The following LRMDA variants were observed in gnomAD, a reference collection of about 807,000 sequenced individuals.
LRMDA encodes the protein leucine rich melanocyte differentiation associated.
Under a neutral mutation model 29.8 loss-of-function variants are expected in LRMDA, and 18 were observed. That is an observed-to-expected ratio of 0.60 (90% CI 0.42 to 0.90). LRMDA has a LOEUF of 0.90. Ranked by LOEUF, LRMDA falls within the 40% of genes least tolerant of loss-of-function variation. The pLI, the probability that LRMDA is intolerant of heterozygous loss-of-function variation, is 0.00. For missense variants in LRMDA, 273 were observed against 273.9 expected (o/e 1.00, Z 0.02); for synonymous variants, 125 against 109.4 (o/e 1.14, Z -0.89).
intron 6 of LRMDA, among the ~76,000 whole-genome samples, chr10:76,518,988 A>G: frequency 6.6e-6 from 1 of 152,284 alleles, no homozygotes; most frequent in South Asian, 2.1e-4. Context: ...TAATTTAGAA[A>G]TTTATACTAA....
chr10:76,111,189 A>G (rs930794029), intron 5 of LRMDA, among the ~76,000 whole-genome samples: 2 of 152,176 alleles, frequency 1.3e-5, no homozygotes, highest in Non-Finnish European at 2.9e-5. Context: ...TGGATCCTCA[A>G]AGCAGCCTGT....
rs1843438752 is a variant in LRMDA, at chr10:75,784,515, C to T, written c.132-251493C>T. Among the ~76,000 whole-genome samples, 3 of 151,758 alleles carry T rather than the reference C, an allele frequency of 2.0e-5. No individual in the cohort carries two copies. In the South Asian group the frequency reaches 6.2e-4, roughly 32 times the overall value. On this transcript the variant is annotated intron_variant, in intron 2 of 6. Transcript: ENST00000611255. ...GAGATTGAGATCATCCTGGCTAACA[C>T]GGTGAAACCCTGTCTCTACTAAAAA... is the stretch of plus-strand genomic sequence containing the variant.
chr10:76,017,181 G>T (rs537064800), intron 2 of LRMDA, among the ~76,000 whole-genome samples: 1 of 152,222 alleles, frequency 6.6e-6, no homozygotes, highest in Non-Finnish European at 1.5e-5. Flanking sequence ...GGCGGACGCC[G>T]CATGAAGGCC....
chr10:76,298,434 T>C (rs1564715492), intron 5 of LRMDA, among the ~76,000 whole-genome samples: 1 of 152,218 alleles, frequency 6.6e-6, no homozygotes, highest in African/African-American at 2.4e-5. Flanking sequence ...GTCCTTTACT[T>C]ACTCATTAAC....
chr10:75,639,947 C>G (rs544400998), intron 2 of LRMDA, among the ~76,000 whole-genome samples: 1 of 152,294 alleles, frequency 6.6e-6, no homozygotes, highest in South Asian at 2.1e-4. Context: ...CCTTCATCAC[C>G]AAGGGAGCAC....
At chr10:75,565,741 T>A (rs1203769990) in intron 2 of LRMDA, among the ~76,000 whole-genome samples, 1 of 152,186 alleles carries the variant, frequency 6.6e-6, no homozygotes, top group Non-Finnish European at 1.5e-5. Flanking sequence ...TACTTCCTAC[T>A]TAGTTTTAAA....
Position 76,041,050 on chromosome 10 carries a change from G to A in LRMDA, c.258+4916G>A, listed in dbSNP as rs1169674425. On this transcript the variant is annotated intron_variant, in intron 3 of 6. Coordinates refer to ENST00000611255, the MANE Select transcript of LRMDA (RefSeq NM_001305581.2). ...AGGAAAGTCTCTGTACCTTGTCAGG[G>A]GCCTCAGTTTCTTTATAAAATGGTT... Among the ~76,000 whole-genome samples, 3 of 152,108 alleles carry A rather than the reference G, an allele frequency of 2.0e-5. No individual in the cohort carries two copies. The East Asian group carries it at 5.8e-4, about 29-fold the overall frequency.
At chr10:76,330,836 A>C (rs770861203) in intron 6 of LRMDA, among the ~76,000 whole-genome samples, 10 of 152,254 alleles carry the variant, frequency 6.6e-5, no homozygotes, top group Admixed American at 2.0e-4. Context: ...TGTGAAAGCT[A>C]AGTAGGTCTG....
intron 5 of LRMDA, among the ~76,000 whole-genome samples, chr10:76,117,348 G>C (rs1294652269): frequency 6.6e-6 from 1 of 152,144 alleles, no homozygotes; most frequent in African/African-American, 2.4e-5. Context: ...GTACAATTTT[G>C]ATGTTGATTA....
chr10:76,290,019 A>T (rs1589413131), intron 5 of LRMDA, among the ~76,000 whole-genome samples: 2 of 152,180 alleles, frequency 1.3e-5, no homozygotes, highest in African/African-American at 4.8e-5. Context: ...ATTCTTCAAA[A>T]TTTTTAGGAC....
intron 2 of LRMDA, among the ~76,000 whole-genome samples, chr10:75,943,981 T>A (rs1846438201): frequency 6.6e-6 from 1 of 152,222 alleles, no homozygotes; most frequent in Non-Finnish European, 1.5e-5. Flanking sequence ...GCTTTACATG[T>A]TACCCCATAT....
chr10:75,919,524 T>C (rs1275046192), intron 2 of LRMDA, among the ~76,000 whole-genome samples: 1 of 152,090 alleles, frequency 6.6e-6, no homozygotes, highest in Non-Finnish European at 1.5e-5. Flanking sequence ...ACCTGGGCCT[T>C]TAGGGTTTTG....
intron 2 of LRMDA, among the ~76,000 whole-genome samples, chr10:75,737,761 G>A (rs1206965904): frequency 1.3e-5 from 2 of 152,096 alleles, no homozygotes; most frequent in Non-Finnish European, 2.9e-5. Context: ...CCTTAGTCTG[G>A]AGCCATCATG....
Position 76,240,465 on chromosome 10 carries a change from ATATGT to A in LRMDA, c.517-83932_517-83928del, listed in dbSNP as rs372681765. On this transcript the variant is annotated intron_variant, in intron 5 of 6. Transcript: ENST00000611255. Reference sequence around the variant, plus strand: ...AATATATACATGTTATATATTATATATATGTTATATTTATATATGTTGGCATGGAT... The same window carrying A: ...AATATATACATGTTATATATTATATATATATTTATATATGTTGGCATGGAT... Among the ~76,000 whole-genome samples the A allele has an allele frequency of 7.3e-3, 1,086 of 148,254 alleles. 12 individuals are homozygous for A. The highest frequency in any genetic ancestry group is 8.2e-3 in the Non-Finnish European group (552 of 67,316).
intron 5 of LRMDA, among the ~76,000 whole-genome samples, chr10:76,233,876 A>T (rs767539362): frequency 1.3e-5 from 2 of 152,116 alleles, no homozygotes; most frequent in Non-Finnish European, 2.9e-5. Flanking sequence ...TATTTCCTCT[A>T]CTGAAGTCTT....
At chr10:75,467,616 C>G (rs1245525540) in intron 2 of LRMDA, among the ~76,000 whole-genome samples, 1 of 152,072 alleles carries the variant, frequency 6.6e-6, no homozygotes, top group Non-Finnish European at 1.5e-5. Flanking sequence ...CTGGAAGACC[C>G]CATGCTTGTG....
chr10:75,781,771 A>G (rs1426274579), intron 2 of LRMDA, among the ~76,000 whole-genome samples: 10 of 152,202 alleles, frequency 6.6e-5, no homozygotes, highest in Non-Finnish European at 4.4e-5. Flanking sequence ...TTTAATATTC[A>G]TAACTAATTC....
rs71024600 is a variant in LRMDA, at chr10:76,376,865, CTTTTTTTTTTTTTTTTTTTTT to C, written c.601+52398_601+52418del. On this transcript the variant is annotated intron_variant, in intron 6 of 6. Coordinates refer to ENST00000611255, the MANE Select transcript of LRMDA (RefSeq NM_001305581.2). ...AAATGTTTGTTGGGCACTTGGAAGT[CTTTTTTTTTTTTTTTTTTTTT>C]TTTTTTTTTTTTTTTTTGAGACGTA... Among the ~76,000 whole-genome samples, 11 of 47,386 alleles carry C rather than the reference CTTTTTTTTTTTTTTTTTTTTT, an allele frequency of 2.3e-4. 1 individual carries two copies. Among genetic ancestry groups the C allele is most frequent in the East Asian group, 6.8e-4 (1 of 1,480 alleles). The allele number at this position is 47,386 out of a possible 152,430, so 31.1% of individuals were successfully genotyped here.
At chr10:76,221,708 G>A (rs1345279288) in intron 5 of LRMDA, among the ~76,000 whole-genome samples, 1 of 152,166 alleles carries the variant, frequency 6.6e-6, no homozygotes, top group Non-Finnish European at 1.5e-5. Context: ...GTAATTTATA[G>A]ATTCAATGCC....
Sources: gnomAD v4.1 joint callset for allele counts (sites outside exome capture counted in the v4.1 genomes callset) on GRCh38, gnomAD v4.1.1 for gene constraint, MANE v1.5 for transcripts, NCBI Gene and HGNC (gene_info 2026-07-23, HGNC 2026-07-21) for gene names.